KDM6A: variants seen among roughly 807,000 people sequenced by gnomAD.
KDM6A encodes the protein lysine-specific demethylase 6A.
A neutral mutation model predicts 117.6 loss-of-function variants in KDM6A; 11 were observed. The ratio of observed to expected loss-of-function variants is 0.09; its 90% CI spans 0.06 to 0.15. KDM6A has a LOEUF of 0.15. Ranked by LOEUF, KDM6A falls within the 10% of genes least tolerant of loss-of-function variation. The pLI, the probability that KDM6A is intolerant of heterozygous loss-of-function variation, is 1.00. For missense variants in KDM6A, 799 were observed against 1,077.3 expected (o/e 0.74, Z 3.62); for synonymous variants, 384 against 396.1 (o/e 0.97, Z 0.36).
chrX:44,913,999 A>G (rs994804039), intron 2 of KDM6A, among the ~76,000 whole-genome samples: 3 of 111,953 alleles, frequency 2.7e-5, no homozygotes, highest in Admixed American at 1.9e-4. Flanking sequence ...ATTTCAGCCA[A>G]TGGAAACTGG....
At chrX:45,040,473 T>C (rs866159388) in intron 8 of KDM6A, among the ~76,000 whole-genome samples, 54 of 52,608 alleles carry the variant, frequency 1.0e-3, no homozygotes, top group South Asian at 3.1e-3. Flanking sequence ...CCCTCCCGGA[T>C]GGGGCGGCTG....
At chrX:45,003,111 T>C (rs1029018977) in intron 4 of KDM6A, among the ~76,000 whole-genome samples, 1 of 111,204 alleles carries the variant, frequency 9.0e-6, no homozygotes, top group Non-Finnish European at 1.9e-5. Context: ...GTAAGTACTT[T>C]AAGGCTTGGC....
At chrX:44,899,039 T>TGTGTGTGTGTGTGTGTGTGTG (rs2034132491) in intron 2 of KDM6A, among the ~76,000 whole-genome samples, 1 of 32,221 alleles carries the variant, frequency 3.1e-5, no homozygotes, top group African/African-American at 1.8e-4. Context: ...GTGTGTGTGT[T>TGTGTGTGTGTGTGTGTGTGTG]TGTTTGTTTT....
At chrX:45,078,256 G>T in intron 19 of KDM6A, 144 bp from the exon 20 acceptor site, 1 of 533,393 alleles carries the variant, frequency 1.9e-6, no homozygotes, top group Non-Finnish European at 3.0e-6. Flanking sequence ...AAAAGTCACA[G>T]TGATAAGATA....
At chrX:44,941,022 C>T (rs944232434) in intron 2 of KDM6A, among the ~76,000 whole-genome samples, 1 of 110,384 alleles carries the variant, frequency 9.1e-6, no homozygotes, top group African/African-American at 3.3e-5. Context: ...GCAATAAGAC[C>T]GAAACTCTGT....
At chrX:45,020,922 A>G (rs1162319953) in intron 6 of KDM6A, among the ~76,000 whole-genome samples, 192 bp downstream of exon 6, 1 of 111,893 alleles carries the variant, frequency 8.9e-6, no homozygotes, top group Non-Finnish European at 1.9e-5. Flanking sequence ...TAGTTATGCT[A>G]AGACTTCCAT....
At chrX:45,076,606 AT>A (rs1188250941) in intron 18 of KDM6A, 90 bp from the exon 19 acceptor site, 11 of 689,153 alleles carry the variant, frequency 1.6e-5, no homozygotes, top group Non-Finnish European at 2.2e-5. Context: ...ATGCCTAGTA[AT>A]TTAATTAGGA....
intron 6 of KDM6A, among the ~76,000 whole-genome samples, chrX:45,026,952 G>A (rs1349317322): frequency 9.0e-6 from 1 of 110,844 alleles, no homozygotes; most frequent in African/African-American, 3.3e-5. Flanking sequence ...TATTTGTAAT[G>A]TTTCTTTATT....
At chrX:44,946,728 G>T (rs962396401) in intron 2 of KDM6A, among the ~76,000 whole-genome samples, 1 of 41,946 alleles carries the variant, frequency 2.4e-5, no homozygotes, top group African/African-American at 9.8e-5. Context: ...GTAGATATAG[G>T]AGTCCACTTT....
At position 45,086,077 on chromosome X, in the gene KDM6A, A is replaced by G. The variant is rs181741811; in HGVS notation, c.3704+98A>G. The G allele has an allele frequency of 1.9e-5, 10 of 523,852 alleles. No homozygotes were observed. The East Asian group carries it at 3.6e-4, about 19-fold the overall frequency. The allele number at this position is 523,852 out of a possible 1,213,427, so 43.2% of individuals were successfully genotyped here. On this transcript the variant is annotated intron_variant, in intron 25 of 29. Coordinates refer to ENST00000611820, the MANE Select transcript of KDM6A (RefSeq NM_001291415.2). ...TGGATCTCCTAATGGATACATTGCCAGTATTCACTTACCATTCAGCGAAGA... is the reference window on the plus strand; with the variant it reads ...TGGATCTCCTAATGGATACATTGCCGGTATTCACTTACCATTCAGCGAAGA...
At chrX:45,015,324 A>G (rs1008179877) in intron 5 of KDM6A, among the ~76,000 whole-genome samples, 2 of 110,494 alleles carry the variant, frequency 1.8e-5, no homozygotes, top group East Asian at 5.7e-4. Context: ...TGTGTTGCCC[A>G]GGCTGGTCTT....
intron 17 of KDM6A, 59 bp downstream of exon 17, chrX:45,063,876 A>G: frequency 9.5e-7 from 1 of 1,055,587 alleles, no homozygotes; most frequent in Non-Finnish European, 1.3e-6. Context: ...ACTGGGTTTT[A>G]TACACTTTGA....
At chrX:44,978,124 T>C (rs776331828) in intron 4 of KDM6A, among the ~76,000 whole-genome samples, 37 of 112,378 alleles carry the variant, frequency 3.3e-4, no homozygotes, top group African/African-American at 1.1e-3. Context: ...ATGGGTTTTT[T>C]CCTCATTCCC....
chrX:45,091,113 C>T (rs1166794587), intron 27 of KDM6A, among the ~76,000 whole-genome samples: 1 of 111,072 alleles, frequency 9.0e-6, no homozygotes, highest in Non-Finnish European at 1.9e-5. Flanking sequence ...TTTCCCATTT[C>T]CCTCTGAACC....
chrX:44,988,129 ACTTCT>A (rs1232039308), intron 4 of KDM6A, among the ~76,000 whole-genome samples: 1 of 110,647 alleles, frequency 9.0e-6, no homozygotes, highest in African/African-American at 3.3e-5. Flanking sequence ...TTTTCTCTAA[ACTTCT>A]CTTCTCACTT....
At chrX:44,893,508 G>A (rs2033558126) in intron 2 of KDM6A, among the ~76,000 whole-genome samples, 1 of 103,992 alleles carries the variant, frequency 9.6e-6, no homozygotes, top group East Asian at 2.9e-4. Flanking sequence ...TGTTGTGGGA[G>A]GTTTTTTTTT....
intron 6 of KDM6A, among the ~76,000 whole-genome samples, chrX:45,030,920 T>G (rs1405226589): frequency 1.8e-5 from 2 of 111,138 alleles, no homozygotes; most frequent in Non-Finnish European, 3.8e-5. Flanking sequence ...GTCTCAAACT[T>G]TTGGCCTCAA....
intron 18 of KDM6A, among the ~76,000 whole-genome samples, chrX:45,071,731 G>GTTTTCTTTTC (rs1383483903): frequency 6.3e-5 from 3 of 47,475 alleles, no homozygotes; most frequent in African/African-American, 1.4e-4. Context: ...TTTGGTCTGT[G>GTTTTCTTTTC]TTTTCTTTTC....
intron 23 of KDM6A, among the ~76,000 whole-genome samples, chrX:45,083,093 AT>A (rs1282363874): frequency 1.9e-4 from 20 of 105,745 alleles, no homozygotes; most frequent in Admixed American, 3.1e-4. Context: ...ACCCTGCCAA[AT>A]TTTTTTTTTT....
Sources: gnomAD v4.1 joint callset for allele counts (sites outside exome capture counted in the v4.1 genomes callset) on GRCh38, gnomAD v4.1.1 for gene constraint, MANE v1.5 for transcripts, NCBI Gene and HGNC (gene_info 2026-07-23, HGNC 2026-07-21) for gene names.